The following CCDC88C variants were observed in gnomAD, a reference collection of about 807,000 sequenced individuals.
CCDC88C encodes the protein coiled-coil and HOOK domain protein 88C, also known as protein Daple.
In CCDC88C, 131 loss-of-function variants were observed where a neutral mutation model predicts 198.8. That is an observed-to-expected ratio of 0.66 (90% CI 0.57 to 0.76). The LOEUF is 0.76. Ranked by LOEUF, CCDC88C falls within the 30% of genes least tolerant of loss-of-function variation. CCDC88C has a pLI of 0.00. For synonymous variants in CCDC88C, 1,166 were observed against 1,114.7 expected, an observed-to-expected ratio of 1.05 and a Z score of -0.92; for missense variants, 2,553 against 2,631.6, an observed-to-expected ratio of 0.97 and a Z score of 0.65.
chr14:91,392,456 CGA>C (rs1567118177), intron 3 of CCDC88C, among the ~76,000 whole-genome samples: 1 of 152,040 alleles, frequency 6.6e-6, no homozygotes, highest in African/African-American at 2.4e-5. Flanking sequence ...GAAAGAGAAA[CGA>C]GAGAGGCTTC....
At chr14:91,377,815 G>A (rs1884533314) in intron 3 of CCDC88C, among the ~76,000 whole-genome samples, 1 of 152,218 alleles carries the variant, frequency 6.6e-6, no homozygotes, top group Non-Finnish European at 1.5e-5. Flanking sequence ...TTGCCCCTCT[G>A]TGGGGACTGG....
intron 2 of CCDC88C, among the ~76,000 whole-genome samples, chr14:91,416,343 C>T: frequency 6.6e-6 from 1 of 152,144 alleles, no homozygotes; most frequent in East Asian, 1.9e-4. Context: ...TTACAGTAAC[C>T]CTCGGATGCC....
At chr14:91,286,712 AGGCTCTTGTTC>A (rs1208393339) in intron 25 of CCDC88C, among the ~76,000 whole-genome samples, 2 of 152,240 alleles carry the variant, frequency 1.3e-5, no homozygotes, top group Admixed American at 1.3e-4. Flanking sequence ...GTTCAGGGCT[AGGCTCTTGTTC>A]GGCATCTTCA....
At chr14:91,416,558 G>A (rs1306681206) in intron 2 of CCDC88C, among the ~76,000 whole-genome samples, 180 bp downstream of exon 2, 1 of 152,100 alleles carries the variant, frequency 6.6e-6, no homozygotes, top group Non-Finnish European at 1.5e-5. Context: ...CTGTCCTGGA[G>A]TTCTTCAAAC....
At chr14:91,322,216 G>C (rs983067245) in intron 12 of CCDC88C, among the ~76,000 whole-genome samples, 1 of 152,174 alleles carries the variant, frequency 6.6e-6, no homozygotes, top group African/African-American at 2.4e-5. Context: ...CTTCACCCCA[G>C]GGGCTGTGGG....
At position 91,325,667 on chromosome 14, in the gene CCDC88C, C is replaced by T. The variant is rs1244120948; in HGVS notation, c.1197+243G>A. 3.3e-5 allele frequency among the ~76,000 whole-genome samples: 5 copies of T among 152,154 alleles called. No individual in the cohort carries two copies. Among genetic ancestry groups the T allele is most frequent in the African/African-American group, 9.7e-5 (4 of 41,410 alleles). On this transcript the variant is annotated intron_variant, in intron 11 of 29. Coordinates refer to ENST00000389857, the MANE Select transcript of CCDC88C (RefSeq NM_001080414.4). The surrounding 1 kb of genome is among the most constrained non-coding windows in gnomAD (Gnocchi z 4.1). ...TCACGGCTCACTGCAGCCTCAACCTCCCAGGCTCAAGCAACCCTCCTGCCT... is the reference window on the plus strand; with the variant it reads ...TCACGGCTCACTGCAGCCTCAACCTTCCAGGCTCAAGCAACCCTCCTGCCT...
At chr14:91,280,216 G>A (rs1890142028) in intron 27 of CCDC88C, among the ~76,000 whole-genome samples, 1 of 152,202 alleles carries the variant, frequency 6.6e-6, no homozygotes. Flanking sequence ...CAGGTGCTGA[G>A]CTGAGCCACC....
At chr14:91,400,472 C>T (rs769559496) in intron 3 of CCDC88C, among the ~76,000 whole-genome samples, 1 of 152,224 alleles carries the variant, frequency 6.6e-6, no homozygotes, top group African/African-American at 2.4e-5. Flanking sequence ...CAAAAGCTCC[C>T]GCTGCCGACA....
chr14:91,367,425 T>C (rs534738786), intron 3 of CCDC88C, among the ~76,000 whole-genome samples: 33 of 152,192 alleles, frequency 2.2e-4, no homozygotes, highest in Non-Finnish European at 4.4e-4. Context: ...AGCAGAAGCA[T>C]GAGTGACGTC....
In CCDC88C at chr14:91,361,271, C is replaced by G. The variant is rs369484834; in HGVS notation, c.271-1560G>C. 2.6e-5 allele frequency among the ~76,000 whole-genome samples: 4 copies of G among 152,226 alleles called. No individual in the cohort carries two copies. In the South Asian group the frequency reaches 8.3e-4, roughly 32 times the overall value. The stretch of plus-strand genomic sequence containing the variant: ...TTAAAAATGTGTTTCTGTTAAGACA[C>G]AACTAGTTTCGTAAGTCGCTCTATT... On this transcript the variant is annotated intron_variant, in intron 3 of 29. Transcript: ENST00000389857.
Position 91,288,196 on chromosome 14 carries a change from C to T in CCDC88C, c.4441+909G>A, listed in dbSNP as rs1890499834. ...GATTGCCTCGTGGTATATAAAGTAA[C>T]TGTGCAGCTTTCATGGCTCCTGAGA... On this transcript the variant is annotated intron_variant, in intron 25 of 29. Transcript: ENST00000389857. The surrounding 1 kb of genome is among the most constrained non-coding windows in gnomAD (Gnocchi z 4.2). Among the ~76,000 whole-genome samples the T allele has an allele frequency of 6.6e-6, 1 of 152,226 alleles. No homozygotes were observed. The highest frequency in any genetic ancestry group is 1.5e-5 in the Non-Finnish European group (1 of 68,044).
At chr14:91,404,646 A>C (rs1042501833) in intron 3 of CCDC88C, among the ~76,000 whole-genome samples, 2 of 152,188 alleles carry the variant, frequency 1.3e-5, no homozygotes, top group Non-Finnish European at 2.9e-5. Context: ...GGTGAGACTC[A>C]AGAAGCTGGG....
chr14:91,351,978 GAAGACCAGAA>G (rs1348695622), intron 4 of CCDC88C, among the ~76,000 whole-genome samples: 12 of 152,168 alleles, frequency 7.9e-5, no homozygotes, highest in Non-Finnish European at 1.5e-4. Context: ...CCAAACAACT[GAAGACCAGAA>G]AAGCAGAATC....
intron 10 of CCDC88C, 88 bp from the exon 11 acceptor site, chr14:91,326,144 A>C: frequency 1.6e-6 from 2 of 1,231,402 alleles, no homozygotes; most frequent in Admixed American, 2.2e-5. Flanking sequence ...TCTTTCAGGC[A>C]TCTGGACCCA....
Position 91,339,397 on chromosome 14 carries a change from C to A in CCDC88C, c.690G>T (p.Lys230Asn), listed in dbSNP as rs774853335. Residue 230 changes from lysine to asparagine, a missense_variant, in exon 8 of 30, where the codon AAG becomes AAT. This residue lies in a region of CCDC88C where 1,260 missense variants were observed against 1,412.0 expected (regional missense o/e 0.89). Transcript: ENST00000389857. This position sits in a 1 kb window ranked among gnomAD's most constrained non-coding sequence, Gnocchi z 5.8. ...LQAQHPPSPI[K>N]SSSADSTPSP... ...TGGGAGTGGAGTCGGCGCTGGAGGACTTGATGGGGCTGGGTGGATGCTGTG... is the reference window on the plus strand; with the variant it reads ...TGGGAGTGGAGTCGGCGCTGGAGGAATTGATGGGGCTGGGTGGATGCTGTG... The A allele has an allele frequency of 8.9e-5, 144 of 1,613,264 alleles. 4 individuals are homozygous for A. In the South Asian group the frequency reaches 1.5e-3, roughly 16 times the overall value.
intron 3 of CCDC88C, among the ~76,000 whole-genome samples, chr14:91,367,962 C>T (rs2139921257): frequency 6.6e-6 from 1 of 152,208 alleles, no homozygotes; most frequent in Middle Eastern, 3.4e-3. Flanking sequence ...TTTTTTTCTC[C>T]CCTGAACTCC....
intron 4 of CCDC88C, among the ~76,000 whole-genome samples, chr14:91,348,244 G>A: frequency 6.6e-6 from 1 of 150,524 alleles, no homozygotes; most frequent in Non-Finnish European, 1.5e-5. Context: ...GACCTCAAGT[G>A]ATCTGCTTGC....
chr14:91,335,339 C>T (rs1033950200), intron 10 of CCDC88C, among the ~76,000 whole-genome samples: 15 of 152,130 alleles, frequency 9.9e-5, no homozygotes, highest in African/African-American at 3.1e-4. Context: ...ATGGCTGGGC[C>T]CTGAGAGCCC....
Position 91,313,184 on chromosome 14 carries a change from G to C in CCDC88C, c.2632C>G (p.Arg878Gly). The C allele has an allele frequency of 6.2e-7, 1 of 1,612,960 alleles. No homozygotes were observed. Among genetic ancestry groups the C allele is most frequent in the Non-Finnish European group, 8.5e-7 (1 of 1,179,250 alleles). ...AGCTTGCCGGCTGCGTCCCTGCAGC[G>C]GGCCAGCTCCTTGTCCAGCGCGCGG... is the stretch of plus-strand genomic sequence containing the variant. ...ESRALDKELA[R>G]CRDAAGKLKE... The change falls in exon 15 of 30, where the codon CGC (arginine) becomes GGC (glycine). Residue 878 changes from arginine (R) to glycine (G), a missense_variant. Around this residue, in one of 2 missense-constraint regions of CCDC88C, gnomAD observed 1,260 missense variants for 1,412.0 expected, o/e 0.89. Coordinates refer to ENST00000389857, the MANE Select transcript of CCDC88C (RefSeq NM_001080414.4). The surrounding 1 kb of genome is among the most constrained non-coding windows in gnomAD (Gnocchi z 5.2).
Sources: gnomAD v4.1 joint callset for allele counts (sites outside exome capture counted in the v4.1 genomes callset) on GRCh38, gnomAD v4.1.1 for gene constraint, gnomAD v4.1.1 regional missense constraint, Gnocchi (gnomAD v3.1) non-coding constraint, MANE v1.5 for transcripts, NCBI Gene and HGNC (gene_info 2026-07-23, HGNC 2026-07-21) for gene names.